The following RBMS1 variants were observed in gnomAD, a reference collection of about 807,000 sequenced individuals.
The protein encoded by RBMS1 is RNA-binding motif, single-stranded-interacting protein 1.
A neutral mutation model predicts 62.3 loss-of-function variants in RBMS1; 17 were observed. That is an observed-to-expected ratio of 0.27 (90% CI 0.19 to 0.41). The LOEUF is 0.41. Ranked by LOEUF, RBMS1 falls within the 10% of genes least tolerant of loss-of-function variation. The pLI is 1.00. For synonymous variants in RBMS1, 172 were observed against 170.0 expected (o/e 1.01, Z -0.09); for missense variants, 334 against 504.5 (o/e 0.66, Z 3.24).
chr2:160,373,878 G>C (rs1229111542), intron 1 of RBMS1, among the ~76,000 whole-genome samples: 1 of 152,130 alleles, frequency 6.6e-6, no homozygotes, highest in African/African-American at 2.4e-5. Context: ...TCAACCAAGG[G>C]AAGATCAGGG....
chr2:160,304,714 A>G (rs1338026747), intron 4 of RBMS1, among the ~76,000 whole-genome samples: 1 of 152,216 alleles, frequency 6.6e-6, no homozygotes, highest in Non-Finnish European at 1.5e-5. Context: ...TATAGAATAA[A>G]TGTATAAAGA....
At chr2:160,489,016 G>T (rs1203941441) in intron 1 of RBMS1, among the ~76,000 whole-genome samples, 1 of 152,178 alleles carries the variant, frequency 6.6e-6, no homozygotes, top group Non-Finnish European at 1.5e-5. Context: ...AAGATGTAAG[G>T]TGTATGTAGT....
intron 1 of RBMS1, among the ~76,000 whole-genome samples, chr2:160,425,531 A>G (rs1221216542): frequency 1.3e-5 from 2 of 152,202 alleles, no homozygotes; most frequent in East Asian, 3.9e-4. Context: ...ATGAGCAAGC[A>G]ATGCTGGAAG....
chr2:160,384,896 C>T (rs1225284817), intron 1 of RBMS1, among the ~76,000 whole-genome samples: 1 of 152,176 alleles, frequency 6.6e-6, no homozygotes, highest in Non-Finnish European at 1.5e-5. Context: ...AATCATGTGG[C>T]AGATCCCTCA....
Position 160,364,307 on chromosome 2 carries a change from A to G in RBMS1, c.251+2909T>C, listed in dbSNP as rs557025385. ...ATAGGGAGCAAAGTTGCAGCAGCCTACAGCAGTCAAGGTTCCAAGATTCCT... is the reference window on the plus strand; with the variant it reads ...ATAGGGAGCAAAGTTGCAGCAGCCTGCAGCAGTCAAGGTTCCAAGATTCCT... On this transcript the variant is annotated intron_variant, in intron 2 of 13. Coordinates refer to ENST00000348849, the MANE Select transcript of RBMS1 (RefSeq NM_016836.4). Among the ~76,000 whole-genome samples the G allele has an allele frequency of 4.1e-4, 63 of 152,228 alleles. 1 individual carries two copies. Among genetic ancestry groups the G allele is most frequent in the Middle Eastern group, 6.3e-3 (2 of 316 alleles).
chr2:160,303,223 C>A, intron 5 of RBMS1, 107 bp downstream of exon 5: 3 of 1,206,922 alleles, frequency 2.5e-6, no homozygotes, highest in Non-Finnish European at 2.3e-6. Flanking sequence ...TGCAACTGCT[C>A]CCATAACCCT....
rs549941057 is a variant in RBMS1, at chr2:160,485,536, A to G, written c.75+7753T>C. ...TTCGCTGGGGACCATATCATTAAGG[A>G]TAACTATTTATTTATGAAATGAATT... On this transcript the variant is annotated intron_variant, in intron 1 of 13. Transcript: ENST00000348849. Among the ~76,000 whole-genome samples the G allele has an allele frequency of 2.0e-5, 3 of 152,306 alleles. No homozygotes were observed. In the South Asian group the frequency reaches 6.2e-4, roughly 32 times the overall value.
At chr2:160,346,460 A>G (rs1199213735) in intron 2 of RBMS1, among the ~76,000 whole-genome samples, 1 of 152,074 alleles carries the variant, frequency 6.6e-6, no homozygotes, top group Non-Finnish European at 1.5e-5. Context: ...TATCCTTAAA[A>G]TAGAGACAAA....
At chr2:160,389,383 T>TA (rs1217384338) in intron 1 of RBMS1, among the ~76,000 whole-genome samples, 3 of 152,004 alleles carry the variant, frequency 2.0e-5, no homozygotes, top group Admixed American at 1.3e-4. Flanking sequence ...ATGATAAACA[T>TA]ACCTAAACAA....
At chr2:160,372,905 A>T (rs897352314) in intron 1 of RBMS1, among the ~76,000 whole-genome samples, 4 of 152,196 alleles carry the variant, frequency 2.6e-5, no homozygotes, top group Admixed American at 1.3e-4. Context: ...CTACTAGATT[A>T]ATGAAGAGTA....
chr2:160,321,160 T>C (rs1328718302), intron 2 of RBMS1, among the ~76,000 whole-genome samples: 1 of 152,118 alleles, frequency 6.6e-6, no homozygotes, highest in Non-Finnish European at 1.5e-5. Context: ...AATGAGGAAG[T>C]AGGCAAAGAG....
chr2:160,453,516 G>A (rs1268645637), intron 1 of RBMS1, among the ~76,000 whole-genome samples: 4 of 152,016 alleles, frequency 2.6e-5, no homozygotes, highest in African/African-American at 7.2e-5. Flanking sequence ...TTTTAAAAGT[G>A]ATCCCTTCAT....
intron 2 of RBMS1, among the ~76,000 whole-genome samples, chr2:160,319,033 T>G (rs750676273): frequency 6.6e-6 from 1 of 152,124 alleles, no homozygotes; most frequent in African/African-American, 2.4e-5. Flanking sequence ...TAGGAAAAAT[T>G]AAGAACATTA....
chr2:160,386,334 G>A (rs189065131), intron 1 of RBMS1, among the ~76,000 whole-genome samples: 3 of 152,082 alleles, frequency 2.0e-5, no homozygotes, highest in African/African-American at 4.8e-5. Flanking sequence ...TCAAGAGTTC[G>A]AGACCAGCCT....
chr2:160,320,709 T>C (rs1690512062), intron 2 of RBMS1, among the ~76,000 whole-genome samples: 1 of 152,154 alleles, frequency 6.6e-6, no homozygotes, highest in Non-Finnish European at 1.5e-5. Context: ...GAGTGGAAGC[T>C]TCCTGAGGCC....
intron 1 of RBMS1, among the ~76,000 whole-genome samples, chr2:160,476,926 T>C (rs908447598): frequency 6.6e-6 from 1 of 152,234 alleles, no homozygotes; most frequent in African/African-American, 2.4e-5. Flanking sequence ...AATTACTGTT[T>C]ATAAAGTACG....
chr2:160,381,240 T>C (rs112527794), intron 1 of RBMS1, among the ~76,000 whole-genome samples: 1 of 152,170 alleles, frequency 6.6e-6, no homozygotes, highest in Admixed American at 6.5e-5. Flanking sequence ...TTTCCCTTAA[T>C]AGGGGGATAG....
chr2:160,391,349 A>G (rs570823820), intron 1 of RBMS1, among the ~76,000 whole-genome samples: 7 of 151,812 alleles, frequency 4.6e-5, no homozygotes, highest in African/African-American at 1.7e-4. Flanking sequence ...CCTGGAATGG[A>G]TCCTTCCCTG....
intron 1 of RBMS1, among the ~76,000 whole-genome samples, chr2:160,414,105 A>T (rs765698309): frequency 6.6e-6 from 1 of 152,192 alleles, no homozygotes; most frequent in Non-Finnish European, 1.5e-5. Context: ...TCCCTTCTAG[A>T]AGCCCCCATT....
Sources: gnomAD v4.1 joint callset for allele counts (sites outside exome capture counted in the v4.1 genomes callset) on GRCh38, gnomAD v4.1.1 for gene constraint, MANE v1.5 for transcripts, NCBI Gene and HGNC (gene_info 2026-07-23, HGNC 2026-07-21) for gene names.